ADAM9: variants seen among roughly 807,000 people sequenced by gnomAD.
The protein encoded by ADAM9 is ADAM metallopeptidase domain 9, also known as disintegrin and metalloproteinase domain-containing protein 9.
Under a neutral mutation model 108.1 loss-of-function variants are expected in ADAM9, and 54 were observed. That is an observed-to-expected ratio of 0.50 (90% CI 0.40 to 0.63). The LOEUF (loss-of-function observed/expected upper bound fraction) is 0.63, where lower values mean the gene tolerates loss of function less well. Among genes scored for constraint, ADAM9 ranks in the 20% least tolerant of loss-of-function variants. The probability of loss-of-function intolerance (pLI) is 0.00; values close to 1 mark genes in which losing one functional copy is unlikely to be tolerated. For missense variants in ADAM9, 830 were observed against 997.7 expected (o/e 0.83, Z 2.26); for synonymous variants, 316 against 336.0 (o/e 0.94, Z 0.65).
chr8:39,010,039 G>T (rs1290208171), intron 2 of ADAM9, among the ~76,000 whole-genome samples: 1 of 148,996 alleles, frequency 6.7e-6, no homozygotes, highest in Non-Finnish European at 1.5e-5. Context: ...AAGCAAGAAG[G>T]GGGATAGGGA....
intron 11 of ADAM9, among the ~76,000 whole-genome samples, chr8:39,036,233 T>A (rs1026339549): frequency 6.6e-6 from 1 of 152,146 alleles, no homozygotes; most frequent in Non-Finnish European, 1.5e-5. Flanking sequence ...TTGCTCTTCC[T>A]GGGAGGTGCC....
At chr8:38,999,256 T>C (rs1475736150) in intron 1 of ADAM9, among the ~76,000 whole-genome samples, 2 of 152,170 alleles carry the variant, frequency 1.3e-5, no homozygotes, top group African/African-American at 4.8e-5. Context: ...TTATAGGATT[T>C]TTACTACCTT....
intron 14 of ADAM9, among the ~76,000 whole-genome samples, chr8:39,070,118 A>C (rs1378755869): frequency 6.8e-6 from 1 of 146,970 alleles, no homozygotes; most frequent in African/African-American, 2.5e-5. Context: ...TTGCCACTGC[A>C]TTCTAGCCTG....
chr8:39,091,193 G>A (rs1212253382), intron 19 of ADAM9, 66 bp from the exon 20 acceptor site: 12 of 1,446,506 alleles, frequency 8.3e-6, no homozygotes, highest in South Asian at 2.3e-5. Flanking sequence ...AATGCAAAAT[G>A]TGTGTAATAT....
At chr8:39,089,809 T>C in intron 18 of ADAM9, 1 of 495,846 alleles carries the variant, frequency 2.0e-6, no homozygotes, top group Non-Finnish European at 3.7e-6. Flanking sequence ...TTGTTCTTGA[T>C]TGTTTGCTCG....
intron 14 of ADAM9, among the ~76,000 whole-genome samples, chr8:39,066,177 G>A (rs912611616): frequency 3.9e-5 from 6 of 152,206 alleles, no homozygotes; most frequent in Non-Finnish European, 5.9e-5. Context: ...TTGGTTCCAA[G>A]TCTTTGCTGT....
chr8:39,041,912 G>A, intron 11 of ADAM9, 34 bp from the exon 12 acceptor site: 1 of 1,590,734 alleles, frequency 6.3e-7, no homozygotes, highest in Non-Finnish European at 8.6e-7. Context: ...AGTAATCACT[G>A]TGACATAGAT....
Position 39,041,978 on chromosome 8 carries a change from A to T in ADAM9, c.1163A>T (p.Glu388Val), listed in dbSNP as rs1837468648. The part of the protein sequence containing the change: ...GSRNFSSCSA[E>V]DFEKLTLNKG... ...AGAAACTTTAGCAGTTGCAGTGCAG[A>T]GGACTTTGAGAAGTTAACTTTAAAT... Residue 388 changes from glutamate (E) to valine (V), a missense_variant, in exon 12 of 22, where the codon GAG becomes GTG. Glu to Val is a moderately radical substitution (Grantham distance 121). Coordinates refer to ENST00000487273, the MANE Select transcript of ADAM9 (RefSeq NM_003816.3). 2 of 1,613,980 alleles carry T rather than the reference A, an allele frequency of 1.2e-6. No individual in the cohort carries two copies.
At chr8:39,092,543 A>G (rs1839389979) in intron 20 of ADAM9, among the ~76,000 whole-genome samples, 1 of 152,010 alleles carries the variant, frequency 6.6e-6, no homozygotes, top group Non-Finnish European at 1.5e-5. Flanking sequence ...ATATATGTAT[A>G]TATTTCTTAT....
chr8:39,086,949 G>A (rs1263168493), intron 18 of ADAM9, among the ~76,000 whole-genome samples: 1 of 152,214 alleles, frequency 6.6e-6, no homozygotes, highest in East Asian at 1.9e-4. Flanking sequence ...CTAGTCCTGT[G>A]TGAGCTGTGG....
Position 39,068,675 on chromosome 8 carries a change from C to CAAAAA in ADAM9, c.1592-2588_1592-2584dup, listed in dbSNP as rs562274321. The stretch of plus-strand genomic sequence containing the variant: ...GAGTGACAAGAGTGAAACTTCTCCT[C>CAAAAA]AAAAAAAAAAAAAAAAAAAAAAAAA... On this transcript the variant is annotated intron_variant, in intron 14 of 21. Transcript: ENST00000487273. 2.7e-3 allele frequency among the ~76,000 whole-genome samples: 113 copies of CAAAAA among 42,036 alleles called. 20 individuals carry two copies. Among genetic ancestry groups the CAAAAA allele is most frequent in the Non-Finnish European group, 4.2e-3 (90 of 21,616 alleles). 27.6% of individuals were successfully genotyped at this position (42,036 alleles called of 152,430 possible).
intron 18 of ADAM9, among the ~76,000 whole-genome samples, chr8:39,089,244 C>T (rs1442115359): frequency 6.6e-6 from 1 of 151,682 alleles, no homozygotes; most frequent in Non-Finnish European, 1.5e-5. Flanking sequence ...GAGACTCCAT[C>T]TCGGGAAAAG....
intron 18 of ADAM9, among the ~76,000 whole-genome samples, chr8:39,088,553 G>A (rs1489021624): frequency 6.6e-6 from 1 of 151,968 alleles, no homozygotes; most frequent in Admixed American, 6.6e-5. Flanking sequence ...CACTGCGCCC[G>A]GCCAGTTTTA....
At chr8:39,094,745 T>G (rs763459429) in intron 20 of ADAM9, among the ~76,000 whole-genome samples, 9 of 152,160 alleles carry the variant, frequency 5.9e-5, no homozygotes, top group Non-Finnish European at 1.0e-4. Flanking sequence ...TTTCTATTTC[T>G]GTGGTATCAG....
intron 11 of ADAM9, among the ~76,000 whole-genome samples, chr8:39,031,951 G>T (rs886735183): frequency 7.2e-5 from 11 of 152,224 alleles, no homozygotes; most frequent in African/African-American, 2.7e-4. Context: ...GTCCACTCCA[G>T]ACCCTTTTTG....
chr8:39,018,822 T>A (rs367824444), intron 6 of ADAM9, 31 bp from the exon 7 acceptor site: 2 of 1,606,828 alleles, frequency 1.2e-6, no homozygotes, highest in Admixed American at 1.7e-5. Flanking sequence ...ATAACTTCCT[T>A]TTGCCTTTAT....
intron 12 of ADAM9, among the ~76,000 whole-genome samples, chr8:39,045,118 G>GTGTGTGCATACATACATATA (rs1564297683): frequency 0.059 from 4,208 of 71,690 alleles, 841 homozygotes; most frequent in South Asian, 0.081. Flanking sequence ...ACATACATAT[G>GTGTGTGCATACATACATATA]TGTGTGTGCA....
intron 14 of ADAM9, among the ~76,000 whole-genome samples, chr8:39,066,117 T>G (rs1311320060): frequency 6.6e-6 from 1 of 152,218 alleles, no homozygotes; most frequent in African/African-American, 2.4e-5. Context: ...TTCCATGGTG[T>G]CTATGTGCCA....
chr8:39,068,722 C>T (rs1838578311), intron 14 of ADAM9, among the ~76,000 whole-genome samples: 1 of 118,622 alleles, frequency 8.4e-6, no homozygotes, highest in East Asian at 2.9e-4. Flanking sequence ...AAAGACCTGA[C>T]TGTCAGCATT....
Sources: allele counts gnomAD v4.1 joint callset (sites outside exome capture counted in the v4.1 genomes callset), GRCh38; gene constraint gnomAD v4.1.1; transcripts MANE v1.5; gene names NCBI Gene and HGNC (gene_info 2026-07-23, HGNC 2026-07-21).